VDAC1: variants seen among roughly 807,000 people sequenced by gnomAD.
The protein encoded by VDAC1 is voltage dependent anion channel 1, also known as non-selective voltage-gated ion channel VDAC1.
In VDAC1, 10 loss-of-function variants were observed where a neutral mutation model predicts 34.7. The ratio of observed to expected loss-of-function variants is 0.29; its 90% CI spans 0.18 to 0.49. The LOEUF (loss-of-function observed/expected upper bound fraction) is 0.49, where lower values mean the gene tolerates loss of function less well. Among genes scored for constraint, VDAC1 ranks in the 20% least tolerant of loss-of-function variants. The pLI is 0.99. For missense variants in VDAC1, 230 were observed against 347.9 expected (o/e 0.66, Z 2.69); for synonymous variants, 130 against 136.0 (o/e 0.96, Z 0.30).
the VDAC1 span, among the ~76,000 whole-genome samples, chr5:134,041,962 G>A: frequency 6.6e-6 from 1 of 152,190 alleles, no homozygotes; most frequent in African/African-American, 2.4e-5. Flanking sequence ...TCAAAATGCA[G>A]ACCAACATCC....
intron 5 of VDAC1, among the ~76,000 whole-genome samples, chr5:133,984,247 G>C (rs1371536503): frequency 2.0e-5 from 3 of 152,056 alleles, no homozygotes; most frequent in African/African-American, 7.2e-5. Context: ...CATGTGGGTA[G>C]ACGGGGTTTA....
chr5:133,976,754 G>C (rs930191402), intron 6 of VDAC1, among the ~76,000 whole-genome samples: 2 of 151,976 alleles, frequency 1.3e-5, no homozygotes, highest in African/African-American at 4.8e-5. Context: ...CAGAAAAATG[G>C]CATGGAAGTC....
At chr5:133,978,379 C>T (rs1217061151) in intron 6 of VDAC1, among the ~76,000 whole-genome samples, 1 of 152,202 alleles carries the variant, frequency 6.6e-6, no homozygotes, top group East Asian at 1.9e-4. Context: ...TCAAGTGATC[C>T]TCCCGCCTCA....
intron 5 of VDAC1, among the ~76,000 whole-genome samples, chr5:133,981,885 T>TCAG (rs1752714047): frequency 6.6e-6 from 1 of 152,192 alleles, no homozygotes; most frequent in Non-Finnish European, 1.5e-5. Flanking sequence ...CCAGATCCAC[T>TCAG]CAGAGCCTCA....
the VDAC1 span, among the ~76,000 whole-genome samples, chr5:134,057,667 A>C: frequency 0.73 from 109,840 of 149,634 alleles, 40,607 homozygotes; most frequent in African/African-American, 0.8. Context: ...CCAGCCTGGG[A>C]AACAAGAGCG....
At chr5:134,030,332 C>T in the VDAC1 span, among the ~76,000 whole-genome samples, 9 of 151,432 alleles carry the variant, frequency 5.9e-5, no homozygotes, top group Non-Finnish European at 1.3e-4. Flanking sequence ...AAGAGTGAAA[C>T]TCCATCTCAA....
chr5:134,046,376 G>A, the VDAC1 span, among the ~76,000 whole-genome samples: 2 of 151,518 alleles, frequency 1.3e-5, no homozygotes, highest in African/African-American at 2.4e-5. Flanking sequence ...TCCTTATGTT[G>A]CCCAGGCTGG....
chr5:134,024,621 A>G, the VDAC1 span, among the ~76,000 whole-genome samples: 1 of 152,022 alleles, frequency 6.6e-6, no homozygotes, highest in Admixed American at 6.5e-5. Flanking sequence ...AAAAGAGTAA[A>G]TAAATAAAAT....
chr5:134,084,169 A>C, the VDAC1 span, among the ~76,000 whole-genome samples: 1 of 152,234 alleles, frequency 6.6e-6, no homozygotes, highest in East Asian at 1.9e-4. Flanking sequence ...GCTAGGGATC[A>C]GGTTGGCAGG....
At chr5:134,001,404 C>T (rs776948564) in intron 1 of VDAC1, among the ~76,000 whole-genome samples, 13 of 152,080 alleles carry the variant, frequency 8.5e-5, no homozygotes, top group Non-Finnish European at 1.8e-4. Flanking sequence ...ACTGTAATGA[C>T]GACAATCATA....
intron 1 of VDAC1, among the ~76,000 whole-genome samples, chr5:133,999,700 T>G (rs2127013914): frequency 6.6e-6 from 1 of 152,196 alleles, no homozygotes; most frequent in Middle Eastern, 3.4e-3. Context: ...CCTCAGGGTG[T>G]TAACAGACCA....
chr5:134,039,536 A>T, the VDAC1 span, among the ~76,000 whole-genome samples: 1 of 151,928 alleles, frequency 6.6e-6, no homozygotes, highest in Non-Finnish European at 1.5e-5. Context: ...TCACCGTGTT[A>T]GCCAGGATGG....
chr5:133,973,393 T>C (rs1325272916), intron 8 of VDAC1, among the ~76,000 whole-genome samples: 10 of 152,238 alleles, frequency 6.6e-5, no homozygotes, highest in Non-Finnish European at 1.3e-4. Context: ...TAATACGCCG[T>C]GGACTGGCCT....
the VDAC1 span, among the ~76,000 whole-genome samples, chr5:134,015,030 T>TA: frequency 6.6e-6 from 1 of 152,014 alleles, no homozygotes; most frequent in Non-Finnish European, 1.5e-5. Context: ...TACACAGTCA[T>TA]AAAAAATAAT....
the VDAC1 span, among the ~76,000 whole-genome samples, chr5:134,105,575 T>A: frequency 4.6e-5 from 7 of 152,368 alleles, no homozygotes; most frequent in East Asian, 7.7e-4. Context: ...ATATCTGCTC[T>A]CTGCCAGGAC....
At chr5:134,088,012 G>A in the VDAC1 span, among the ~76,000 whole-genome samples, 13 of 150,808 alleles carry the variant, frequency 8.6e-5, no homozygotes, top group African/African-American at 2.4e-4. Context: ...AAAATTAGCC[G>A]GGCGTTGTAG....
chr5:134,077,934 G>T, the VDAC1 span, among the ~76,000 whole-genome samples: 1 of 152,192 alleles, frequency 6.6e-6, no homozygotes, highest in African/African-American at 2.4e-5. Context: ...CCTTCCCTTT[G>T]GGCCTGCCCA....
chr5:134,089,677 T>C, the VDAC1 span, among the ~76,000 whole-genome samples: 2 of 150,348 alleles, frequency 1.3e-5, no homozygotes, highest in Non-Finnish European at 2.9e-5. Flanking sequence ...TGGCCGGGTG[T>C]GGTGGCTCAT....
At chr5:134,054,409 G>A in the VDAC1 span, among the ~76,000 whole-genome samples, 1 of 150,112 alleles carries the variant, frequency 6.7e-6, no homozygotes, top group Admixed American at 6.6e-5. Context: ...ACCATAGTCT[G>A]TCTTTCTTTT....
Sources: allele counts gnomAD v4.1 joint callset (sites outside exome capture counted in the v4.1 genomes callset), GRCh38; gene constraint gnomAD v4.1.1; transcripts MANE v1.5; gene names NCBI Gene and HGNC (gene_info 2026-07-23, HGNC 2026-07-21).